Variants in GPR143 observed in about 807,000 individuals in gnomAD.
GPR143 encodes G protein-coupled receptor 143.
A neutral mutation model predicts 27.6 loss-of-function variants in GPR143; 8 were observed. The ratio of observed to expected loss-of-function variants is 0.29; its 90% CI spans 0.17 to 0.52. The LOEUF (loss-of-function observed/expected upper bound fraction) is 0.52. Among genes scored for constraint, GPR143 ranks in the 20% least tolerant of loss-of-function variants. The pLI is 0.96. For missense variants in GPR143, 303 were observed against 343.1 expected, an observed-to-expected ratio of 0.88 and a Z score of 0.92; for synonymous variants, 156 against 153.2, an observed-to-expected ratio of 1.02 and a Z score of -0.13.
intron 6 of GPR143, among the ~76,000 whole-genome samples, chrX:9,743,068 T>C (rs1375419411): frequency 1.8e-5 from 2 of 109,405 alleles, no homozygotes; most frequent in Non-Finnish European, 3.8e-5. Flanking sequence ...GATCGTGCCA[T>C]TGCACTCCAG....
intron 1 of GPR143, among the ~76,000 whole-genome samples, chrX:9,764,448 C>T (rs2083517327): frequency 9.2e-6 from 1 of 108,922 alleles, no homozygotes; most frequent in East Asian, 2.9e-4. Context: ...GGGATTTCAG[C>T]TTACAAAATA....
At chrX:9,770,194 G>A (rs190020389), upstream of GPR143, among the ~76,000 whole-genome samples, 446 of 91,126 alleles carry the variant, frequency 4.9e-3, 9 homozygotes, top group African/African-American at 0.017. Context: ...AAAAAAAGCC[G>A]GGCTCAGTGG....
chrX:9,738,823 A>G (rs973912136), intron 8 of GPR143, among the ~76,000 whole-genome samples: 1 of 111,858 alleles, frequency 8.9e-6, no homozygotes, highest in Non-Finnish European at 1.9e-5. Context: ...GGTTTTCACC[A>G]TGTTGGTCAG....
chrX:9,753,147 G>A (rs1476189515), intron 3 of GPR143, among the ~76,000 whole-genome samples: 1 of 110,962 alleles, frequency 9.0e-6, no homozygotes, highest in African/African-American at 3.3e-5. Context: ...AGGCCAAGGC[G>A]GGTGGATCAG....
intron 8 of GPR143, among the ~76,000 whole-genome samples, chrX:9,726,193 G>C (rs952719226): frequency 3.6e-5 from 4 of 110,613 alleles, no homozygotes; most frequent in African/African-American, 1.3e-4. Context: ...GCTGTCTGAT[G>C]CAGGAGCAGA....
chrX:9,750,541 G>A (rs913732507), intron 3 of GPR143, among the ~76,000 whole-genome samples: 3 of 110,231 alleles, frequency 2.7e-5, no homozygotes, highest in Non-Finnish European at 3.8e-5. Context: ...GGGTGTATAC[G>A]TGGGAGTGGA....
intron 7 of GPR143, among the ~76,000 whole-genome samples, chrX:9,740,398 T>C (rs1254362912): frequency 8.9e-6 from 1 of 112,483 alleles, no homozygotes; most frequent in Non-Finnish European, 1.9e-5. Flanking sequence ...AATATAAATA[T>C]GGATTCTGTA....
chrX:9,759,540 G>T (rs912633071), intron 2 of GPR143, 114 bp from the exon 3 acceptor site: 1 of 538,392 alleles, frequency 1.9e-6, no homozygotes, highest in East Asian at 3.7e-5. Context: ...GAAGCCGCAC[G>T]TGACAGCTCT....
chrX:9,767,588 A>G (rs2083540304), upstream of GPR143, among the ~76,000 whole-genome samples: 1 of 111,398 alleles, frequency 9.0e-6, no homozygotes, highest in African/African-American at 3.3e-5. Flanking sequence ...ATGAGGTGCA[A>G]ACTCCACCAC....
At chrX:9,730,113 C>G (rs112305465) in intron 8 of GPR143, among the ~76,000 whole-genome samples, 5,939 of 112,344 alleles carry the variant, frequency 0.053, 374 homozygotes, top group African/African-American at 0.18. Flanking sequence ...TGGGTATACC[C>G]TCTAGGTTTG....
chrX:9,736,085 G>T (rs1280061298), intron 8 of GPR143, among the ~76,000 whole-genome samples: 2 of 110,825 alleles, frequency 1.8e-5, no homozygotes, highest in Non-Finnish European at 3.8e-5. Context: ...AGGAAAATCG[G>T]AATGACACCT....
At chrX:9,728,121 T>C (rs60359218) in intron 8 of GPR143, among the ~76,000 whole-genome samples, 3,279 of 111,910 alleles carry the variant, frequency 0.029, 126 homozygotes, top group African/African-American at 0.1. Flanking sequence ...ATTTGTGTTT[T>C]TCTTTCTGTC....
chrX:9,726,106 T>G, intron 8 of GPR143: 1 of 411,792 alleles, frequency 2.4e-6, no homozygotes, highest in Non-Finnish European at 3.0e-6. Flanking sequence ...GCCAGTTGAT[T>G]GATAGGTGAC....
chrX:9,761,017 AACAT>A (rs1389636657), intron 1 of GPR143, among the ~76,000 whole-genome samples, 191 bp from the exon 2 acceptor site: 1 of 111,411 alleles, frequency 9.0e-6, no homozygotes, highest in African/African-American at 3.3e-5. Context: ...AGGAAGAAAA[AACAT>A]ACATATTTGT....
At chrX:9,755,188 C>T (rs1237637350) in intron 3 of GPR143, among the ~76,000 whole-genome samples, 2 of 111,646 alleles carry the variant, frequency 1.8e-5, no homozygotes, top group African/African-American at 3.3e-5. Flanking sequence ...GATGCCGAGG[C>T]GGGTGGATCA....
intron 8 of GPR143, among the ~76,000 whole-genome samples, chrX:9,731,373 A>G (rs1569114895): frequency 9.0e-6 from 1 of 110,990 alleles, no homozygotes; most frequent in Non-Finnish European, 1.9e-5. Context: ...TGTCTCAAAA[A>G]AAAAAAGGGA....
At position 9,748,496 on chromosome X, in the gene GPR143, G is replaced by A. The variant is rs775694525; in HGVS notation, c.548+78C>T. 2.8e-5 allele frequency: 19 copies of A among 669,421 alleles called. No homozygotes were observed. In the East Asian group the frequency reaches 5.9e-4, roughly 21 times the overall value. 55.2% of individuals were successfully genotyped at this position (669,421 alleles called of 1,213,427 possible). A position where few individuals can be genotyped will look rare whatever the true frequency, so the allele number is the denominator to read the frequency against. The stretch of plus-strand genomic sequence containing the variant: ...TCCAAGGCACCCACTCTGTGGGTCG[G>A]GGCTCATGTATTCCCTGCAAGACAA... On this transcript the variant is annotated intron_variant, in intron 4 of 8. Coordinates refer to ENST00000467482, the MANE Select transcript of GPR143 (RefSeq NM_000273.3).
At chrX:9,733,568 A>T (rs1420951017) in intron 8 of GPR143, among the ~76,000 whole-genome samples, 1 of 111,605 alleles carries the variant, frequency 9.0e-6, no homozygotes, top group Non-Finnish European at 1.9e-5. Context: ...AGAAACAAGG[A>T]ATTGTGGGAA....
At chrX:9,765,131 C>A (rs1334330068) in intron 1 of GPR143, among the ~76,000 whole-genome samples, 1 of 112,821 alleles carries the variant, frequency 8.9e-6, no homozygotes, top group East Asian at 2.8e-4. Flanking sequence ...GCCCAACCCG[C>A]TAGCCGTGCG....
Sources: allele counts gnomAD v4.1 joint callset (sites outside exome capture counted in the v4.1 genomes callset), GRCh38; gene constraint gnomAD v4.1.1; transcripts MANE v1.5; gene names NCBI Gene and HGNC (gene_info 2026-07-23, HGNC 2026-07-21).